Variants in NAV3 observed in about 807,000 individuals in gnomAD.
The protein encoded by NAV3 is neuron navigator 3, also known as pore membrane and/or filament interacting like protein 1.
NAV3 carries 87 observed loss-of-function variants against 244.7 expected under a neutral mutation model. That is an observed-to-expected ratio of 0.36 (90% confidence interval 0.30 to 0.42). NAV3 has a LOEUF of 0.42. Ranked by LOEUF, NAV3 falls within the 20% of genes least tolerant of loss-of-function variation. NAV3 has a pLI of 1.00. For synonymous variants in NAV3, 1,126 were observed against 1,042.2 expected, an observed-to-expected ratio of 1.08 and a Z score of -1.55; for missense variants, 2,663 against 2,893.3, an observed-to-expected ratio of 0.92 and a Z score of 1.83.
chr12:78,122,513 T>G, intron 16 of NAV3, 85 bp downstream of exon 16: 2 of 1,469,706 alleles, frequency 1.4e-6, no homozygotes, highest in Non-Finnish European at 1.8e-6. Flanking sequence ...TTCCCTTGAT[T>G]TCACTGTGAG....
intron 1 of NAV3, among the ~76,000 whole-genome samples, chr12:77,842,204 T>A (rs1875786453): frequency 6.6e-6 from 1 of 152,178 alleles, no homozygotes; most frequent in Non-Finnish European, 1.5e-5. Context: ...AATAAAGATC[T>A]TGCAGTTAAC....
Position 78,057,747 on chromosome 12 carries a change from A to G in NAV3, c.2517-1249A>G, listed in dbSNP as rs147963242. On this transcript the variant is annotated intron_variant, in intron 11 of 39. Coordinates refer to ENST00000397909, the MANE Select transcript of NAV3 (RefSeq NM_001024383.2). ...GAAGCAATTTAAACATAGCTTGTTTAAGTGACTTACCTCAGCCCACACAGC... is the reference window on the plus strand; with the variant it reads ...GAAGCAATTTAAACATAGCTTGTTTGAGTGACTTACCTCAGCCCACACAGC... 2.0e-5 allele frequency among the ~76,000 whole-genome samples: 3 copies of G among 152,280 alleles called. No individual in the cohort carries two copies. The East Asian group carries it at 5.8e-4, about 29-fold the overall frequency.
chr12:77,576,026 C>T (rs1276303400), intron 2 of NAV3, among the ~76,000 whole-genome samples: 1 of 152,030 alleles, frequency 6.6e-6, no homozygotes, highest in Non-Finnish European at 1.5e-5. Flanking sequence ...TTTTTCACTT[C>T]CCCAAATCAC....
chr12:77,957,586 T>C (rs1318410151), intron 3 of NAV3, among the ~76,000 whole-genome samples: 1 of 152,260 alleles, frequency 6.6e-6, no homozygotes, highest in Admixed American at 6.5e-5. Flanking sequence ...GCTTAAAATG[T>C]ATGAGTTCAA....
At chr12:78,106,189 CA>C (rs1954793825) in intron 12 of NAV3, among the ~76,000 whole-genome samples, 1 of 151,794 alleles carries the variant, frequency 6.6e-6, no homozygotes, top group Non-Finnish European at 1.5e-5. Flanking sequence ...CCAAAAAAAT[CA>C]ATAAAACAAC....
At chr12:77,962,444 T>A (rs901067410) in intron 3 of NAV3, among the ~76,000 whole-genome samples, 12 of 152,114 alleles carry the variant, frequency 7.9e-5, no homozygotes, top group South Asian at 2.1e-4. Context: ...ACAGACTTCA[T>A]CCTTCTTGTG....
At chr12:78,100,991 C>T (rs1025933834) in intron 12 of NAV3, among the ~76,000 whole-genome samples, 1 of 152,118 alleles carries the variant, frequency 6.6e-6, no homozygotes, top group Non-Finnish European at 1.5e-5. Context: ...TCTTCTAGTC[C>T]TTCTCTGGAG....
At chr12:78,026,681 G>A (rs1044633681) in intron 9 of NAV3, among the ~76,000 whole-genome samples, 6 of 152,074 alleles carry the variant, frequency 3.9e-5, no homozygotes, top group African/African-American at 4.8e-5. Flanking sequence ...AAGGTACTAA[G>A]ATACCCTAGA....
chr12:77,776,103 C>CTT (rs2135895653), intron 2 of NAV3, among the ~76,000 whole-genome samples: 1 of 152,168 alleles, frequency 6.6e-6, no homozygotes, highest in East Asian at 1.9e-4. Context: ...TCATAGAAGC[C>CTT]CAATTAATGT....
intron 28 of NAV3, 22 bp downstream of exon 28, chr12:78,177,707 G>A (rs749955582): frequency 1.9e-6 from 3 of 1,593,460 alleles, no homozygotes; most frequent in Non-Finnish European, 2.6e-6. Context: ...TGCGATGCAT[G>A]AATACTGCAA....
Position 78,190,055 on chromosome 12 carries a change from T to A in NAV3, c.6127T>A (p.Phe2043Ile). The change falls in exon 34 of 40, where the codon TTT becomes ATT. Residue 2043 changes from phenylalanine to isoleucine, a missense_variant. Around this residue, in one of 6 missense-constraint regions of NAV3, gnomAD observed 543 missense variants for 672.4 expected, o/e 0.81. Coordinates refer to ENST00000397909, the MANE Select transcript of NAV3 (RefSeq NM_001024383.2). ...TCCTAAACCAATTACCCAAAGGTAC[T>A]TTAACTTGTTGATGGAGCATCACAG... is the stretch of plus-strand genomic sequence containing the variant. The part of the protein sequence containing the change: ...LIPKPITQRY[F>I]NLLMEHHRII... 1 of 1,613,254 alleles carries A rather than the reference T, an allele frequency of 6.2e-7. No homozygotes were observed. Among genetic ancestry groups the A allele is most frequent in the Non-Finnish European group, 8.5e-7 (1 of 1,179,508 alleles).
intron 12 of NAV3, 94 bp from the exon 13 acceptor site, chr12:78,116,678 T>G: frequency 1.6e-6 from 2 of 1,275,326 alleles, no homozygotes; most frequent in Non-Finnish European, 1.0e-6. Context: ...AAAGAATGTC[T>G]TAATAATAAA....
At chr12:78,078,461 T>C (rs112829379) in intron 12 of NAV3, among the ~76,000 whole-genome samples, 2,377 of 132,688 alleles carry the variant, frequency 0.018, 35 homozygotes, top group Middle Eastern at 0.025. Context: ...AGTGGCGGGA[T>C]CTCGGCTCAC....
intron 11 of NAV3, among the ~76,000 whole-genome samples, chr12:78,053,395 G>A (rs992970305): frequency 2.6e-5 from 4 of 151,928 alleles, no homozygotes; most frequent in African/African-American, 4.8e-5. Flanking sequence ...ATAGGTTTTG[G>A]TTCCTGTGAG....
intron 2 of NAV3, 110 bp downstream of exon 2, chr12:77,940,546 T>A (rs1565941008): frequency 8.0e-6 from 6 of 747,858 alleles, no homozygotes; most frequent in Non-Finnish European, 9.0e-6. Context: ...TCTCTGAGAT[T>A]CATGTAGCTC....
chr12:78,030,953 G>A (rs1472763694), intron 9 of NAV3, among the ~76,000 whole-genome samples: 4 of 152,032 alleles, frequency 2.6e-5, no homozygotes, highest in African/African-American at 7.3e-5. Context: ...CTGAGGTTTC[G>A]ATAGTTCTCT....
intron 22 of NAV3, among the ~76,000 whole-genome samples, chr12:78,150,664 C>CACACACAT (rs1447687432): frequency 6.9e-6 from 1 of 145,156 alleles, no homozygotes; most frequent in Non-Finnish European, 1.5e-5. Flanking sequence ...CACACACACA[C>CACACACAT]ACACACATAC....
chr12:77,903,879 A>C (rs1885624874), intron 1 of NAV3, among the ~76,000 whole-genome samples: 3 of 152,216 alleles, frequency 2.0e-5, no homozygotes, highest in African/African-American at 2.4e-5. Flanking sequence ...ATGCAGCCAA[A>C]AGACACATGA....
At chr12:77,595,669 A>G (rs550219733) in intron 2 of NAV3, among the ~76,000 whole-genome samples, 1 of 152,296 alleles carries the variant, frequency 6.6e-6, no homozygotes, top group South Asian at 2.1e-4. Flanking sequence ...TTTCATTACA[A>G]AAAAGAACAT....
Sources: gnomAD v4.1 joint callset for allele counts (sites outside exome capture counted in the v4.1 genomes callset) on GRCh38, gnomAD v4.1.1 for gene constraint, gnomAD v4.1.1 regional missense constraint, MANE v1.5 for transcripts, NCBI Gene and HGNC (gene_info 2026-07-23, HGNC 2026-07-21) for gene names.